Variants in ADRA1A observed in about 807,000 individuals in gnomAD.
ADRA1A encodes adrenoceptor alpha 1A, also known as alpha-1A adrenergic receptor.
ADRA1A carries 31 observed loss-of-function variants against 29.6 expected under a neutral mutation model. That is an observed-to-expected ratio of 1.05 (90% CI 0.79 to 1.41). ADRA1A has a LOEUF of 1.41. Ranked by LOEUF, ADRA1A falls within the 40% of genes most tolerant of loss-of-function variation. The probability of loss-of-function intolerance (pLI) is 0.00; values close to 1 mark genes in which losing one functional copy is unlikely to be tolerated. For missense variants in ADRA1A, 619 were observed against 601.1 expected, an observed-to-expected ratio of 1.03 and a Z score of -0.31; for synonymous variants, 311 against 254.3, an observed-to-expected ratio of 1.22 and a Z score of -2.12.
chr8:26,764,676 C>T (rs1272621085), downstream of ADRA1A, among the ~76,000 whole-genome samples: 2 of 152,222 alleles, frequency 1.3e-5, no homozygotes, highest in African/African-American at 2.4e-5. Context: ...CCTTCTCCTT[C>T]TACTGCACAG....
Position 26,864,686 on chromosome 8 carries a change from C to T in ADRA1A, c.284G>A (p.Gly95Asp). 1 of 1,614,142 alleles carries T rather than the reference C, an allele frequency of 6.2e-7. No individual in the cohort carries two copies. The highest frequency in any genetic ancestry group is 8.5e-7 in the Non-Finnish European group (1 of 1,180,030). ...IFEVLGYWAF[G>D]RVFCNIWAAV... The stretch of plus-strand genomic sequence containing the variant: ...CGCCCAGATGTTGCAGAAGACCCTG[C>T]CGAAGGCCCAGTAGCCTAGGACCTC... Residue 95 changes from glycine to aspartate, a missense_variant, in exon 2 of 3, where the codon GGC becomes GAC. Gly to Asp is a moderately conservative substitution (Grantham distance 94). Transcript: ENST00000380573. The surrounding 1 kb of genome is among the most constrained non-coding windows in gnomAD (Gnocchi z 8.1).
intron 2 of ADRA1A, among the ~76,000 whole-genome samples, chr8:26,797,112 T>C (rs1424646583): frequency 6.6e-6 from 1 of 152,170 alleles, no homozygotes; most frequent in Non-Finnish European, 1.5e-5. Context: ...TGTGTTATTG[T>C]AACAGATTAA....
At chr8:26,829,571 C>T (rs957508476) in intron 2 of ADRA1A, among the ~76,000 whole-genome samples, 4 of 151,822 alleles carry the variant, frequency 2.6e-5, no homozygotes, top group African/African-American at 9.7e-5. Flanking sequence ...GAATGAATGA[C>T]GAAAGGAAAA....
At chr8:26,759,269 A>G (rs555103571) in intron 2 of ADRA1A, among the ~76,000 whole-genome samples, 2 of 152,340 alleles carry the variant, frequency 1.3e-5, no homozygotes, top group Admixed American at 6.5e-5. Context: ...TGCATATGGT[A>G]TTCAGAAGAG....
chr8:26,863,156 T>C (rs909200199), intron 2 of ADRA1A, among the ~76,000 whole-genome samples: 5 of 152,232 alleles, frequency 3.3e-5, no homozygotes, highest in African/African-American at 1.2e-4. Context: ...TTAGAGTTGG[T>C]GGATAATCGA....
At chr8:26,813,987 G>A (rs1416013330) in intron 2 of ADRA1A, among the ~76,000 whole-genome samples, 1 of 152,148 alleles carries the variant, frequency 6.6e-6, no homozygotes, top group African/African-American at 2.4e-5. Context: ...GCCAAGCTTT[G>A]TAACTTGGGG....
At chr8:26,784,779 A>C (rs1360594709) in intron 2 of ADRA1A, among the ~76,000 whole-genome samples, 3 of 152,138 alleles carry the variant, frequency 2.0e-5, no homozygotes, top group Non-Finnish European at 4.4e-5. Context: ...ATAACTAAAG[A>C]AGAAGGCTGC....
At chr8:26,813,017 G>A (rs1468102206) in intron 2 of ADRA1A, among the ~76,000 whole-genome samples, 1 of 151,684 alleles carries the variant, frequency 6.6e-6, no homozygotes, top group East Asian at 1.9e-4. Context: ...AAGACCTCTA[G>A]TTTGATATAT....
In ADRA1A at chr8:26,831,713, T is replaced by C. The variant is rs115024357; in HGVS notation, c.883+32374A>G. Among the ~76,000 whole-genome samples the C allele has an allele frequency of 2.0e-3, 307 of 152,358 alleles. 2 individuals carry two copies. The highest frequency in any genetic ancestry group is 7.0e-3 in the African/African-American group (292 of 41,586). Reference sequence around the variant, plus strand: ...TTTTCTTTCCAGGACAAGAAGAACATAGTTTCACTCGCAGGGAATGAAGGA... The same window carrying C: ...TTTTCTTTCCAGGACAAGAAGAACACAGTTTCACTCGCAGGGAATGAAGGA... On this transcript the variant is annotated intron_variant, in intron 2 of 2. Coordinates refer to ENST00000380573, the MANE Select transcript of ADRA1A (RefSeq NM_000680.4). This position sits in a 1 kb window ranked among gnomAD's most constrained non-coding sequence, Gnocchi z 5.2.
At chr8:26,847,749 C>T (rs2130728959) in intron 2 of ADRA1A, among the ~76,000 whole-genome samples, 1 of 152,308 alleles carries the variant, frequency 6.6e-6, no homozygotes, top group East Asian at 1.9e-4. Context: ...AAAATACAAA[C>T]CACACTTCTT....
rs138971905 is a variant in ADRA1A, at chr8:26,828,583, C to T, written c.883+35504G>A. Among the ~76,000 whole-genome samples the T allele has an allele frequency of 5.3e-5, 8 of 152,346 alleles. No homozygotes were observed. In the South Asian group the frequency reaches 8.3e-4, roughly 16 times the overall value. Reference sequence around the variant, plus strand: ...AGGGTTTAAGAATGTAGGGCAGAGGCACAGGTCTGTGATGCCGAGGACTGA... The same window carrying T: ...AGGGTTTAAGAATGTAGGGCAGAGGTACAGGTCTGTGATGCCGAGGACTGA... On this transcript the variant is annotated intron_variant, in intron 2 of 2. Coordinates refer to ENST00000380573, the MANE Select transcript of ADRA1A (RefSeq NM_000680.4).
chr8:26,860,102 AG>A lies in ADRA1A; in HGVS notation c.883+3984del, dbSNP rs1813345773. Among the ~76,000 whole-genome samples the A allele has an allele frequency of 6.6e-6, 1 of 152,050 alleles. No homozygotes were observed. Among genetic ancestry groups the A allele is most frequent in the South Asian group, 2.1e-4 (1 of 4,826 alleles). On this transcript the variant is annotated intron_variant, in intron 2 of 2. Transcript: ENST00000380573. The surrounding 1 kb of genome is among the most constrained non-coding windows in gnomAD (Gnocchi z 4.7). ...ATTTAAAAGAAGCCCAGTGATTCCG[AG>A]GGCTCCTGTCTACCACCACTTCTCT...
chr8:26,779,617 T>C (rs760398038), intron 2 of ADRA1A, among the ~76,000 whole-genome samples: 1 of 151,944 alleles, frequency 6.6e-6, no homozygotes, highest in Non-Finnish European at 1.5e-5. Context: ...GAGGGGAAAC[T>C]GAGGTTTTGG....
intron 2 of ADRA1A, among the ~76,000 whole-genome samples, chr8:26,824,996 G>T (rs954694170): frequency 1.3e-5 from 2 of 151,928 alleles, no homozygotes; most frequent in Non-Finnish European, 2.9e-5. Flanking sequence ...TGGCATCGTA[G>T]TTCTTCTTGA....
chr8:26,807,531 C>G (rs1323429271), intron 2 of ADRA1A, among the ~76,000 whole-genome samples: 2 of 152,158 alleles, frequency 1.3e-5, no homozygotes, highest in Non-Finnish European at 2.9e-5. Context: ...ATTTTGGTAT[C>G]TGTCTCTCTT....
At chr8:26,832,867 G>A (rs976185408) in intron 2 of ADRA1A, among the ~76,000 whole-genome samples, 1 of 152,126 alleles carries the variant, frequency 6.6e-6, no homozygotes. Context: ...CATTGCTCTG[G>A]ACAGCTGCCC....
chr8:26,793,607 A>G (rs1230720903), intron 2 of ADRA1A, among the ~76,000 whole-genome samples: 2 of 151,998 alleles, frequency 1.3e-5, no homozygotes, highest in Admixed American at 1.3e-4. Flanking sequence ...AGTAAGAGGA[A>G]GAGTATAATT....
At chr8:26,802,246 G>A (rs574320807) in intron 2 of ADRA1A, among the ~76,000 whole-genome samples, 5 of 152,222 alleles carry the variant, frequency 3.3e-5, no homozygotes, top group African/African-American at 1.2e-4. Flanking sequence ...AAGTTAACAA[G>A]CTTTTGCACA....
chr8:26,837,590 G>T (rs544079906), intron 2 of ADRA1A, among the ~76,000 whole-genome samples: 2 of 151,084 alleles, frequency 1.3e-5, no homozygotes, highest in South Asian at 2.1e-4. Context: ...GGTGGAAGTT[G>T]CAGTGAGCCA....
Sources: allele counts gnomAD v4.1 joint callset (sites outside exome capture counted in the v4.1 genomes callset), GRCh38; gene constraint gnomAD v4.1.1; non-coding constraint Gnocchi (gnomAD v3.1); transcripts MANE v1.5; gene names NCBI Gene and HGNC (gene_info 2026-07-23, HGNC 2026-07-21).